Variants in CELF4 observed in about 807,000 individuals in gnomAD.
CELF4 encodes CUGBP Elav-like family member 4.
A neutral mutation model predicts 59.9 loss-of-function variants in CELF4; 18 were observed. The ratio of observed to expected loss-of-function variants is 0.30; its 90% CI spans 0.21 to 0.45. The LOEUF (loss-of-function observed/expected upper bound fraction) is 0.45. CELF4 is among the 20% of genes least tolerant of loss of function. The pLI, the probability that CELF4 is intolerant of heterozygous loss-of-function variation, is 1.00. For missense variants in CELF4, 456 were observed against 689.0 expected, an observed-to-expected ratio of 0.66 and a Z score of 3.79; for synonymous variants, 261 against 267.1, an observed-to-expected ratio of 0.98 and a Z score of 0.22.
chr18:37,306,888 G>A lies in CELF4; in HGVS notation c.448+14915C>T, dbSNP rs1453521810. The stretch of plus-strand genomic sequence containing the variant: ...CGCTACAGTGATACTCCGTCAGGGC[G>A]AGATTGCCGAAGCAAATTCTGCACT... On this transcript the variant is annotated intron_variant, in intron 3 of 12. Coordinates refer to ENST00000420428, the MANE Select transcript of CELF4 (RefSeq NM_020180.4). Among the ~76,000 whole-genome samples the A allele has an allele frequency of 2.0e-5, 3 of 152,204 alleles. No individual in the cohort carries two copies. The East Asian group carries it at 5.8e-4, about 29-fold the overall frequency.
At chr18:37,525,995 T>A (rs891563744) in intron 1 of CELF4, among the ~76,000 whole-genome samples, 2 of 152,172 alleles carry the variant, frequency 1.3e-5, no homozygotes, top group Non-Finnish European at 2.9e-5. Flanking sequence ...TTCAGCCAAC[T>A]GTGTTTAACG....
intron 1 of CELF4, among the ~76,000 whole-genome samples, chr18:37,530,866 G>A (rs1237587603): frequency 2.0e-5 from 3 of 151,268 alleles, no homozygotes; most frequent in Non-Finnish European, 2.9e-5. Flanking sequence ...AGAGAAAGAC[G>A]GAGAGAGAAA....
intron 2 of CELF4, among the ~76,000 whole-genome samples, chr18:37,373,139 C>T (rs1046529379): frequency 8.5e-5 from 13 of 152,216 alleles, no homozygotes; most frequent in African/African-American, 3.1e-4. Flanking sequence ...GGACGCCGCC[C>T]TGGTGAGTGG....
intron 2 of CELF4, among the ~76,000 whole-genome samples, chr18:37,475,348 T>C (rs55698302): frequency 0.29 from 43,583 of 152,162 alleles, 6,320 homozygotes; most frequent in Middle Eastern, 0.36. Context: ...TGGCTGCTGT[T>C]TGAGTGACAT....
intron 2 of CELF4, among the ~76,000 whole-genome samples, chr18:37,431,967 G>A (rs1000111171): frequency 4.6e-5 from 7 of 152,156 alleles, no homozygotes; most frequent in African/African-American, 1.7e-4. Flanking sequence ...CGTGAAATAG[G>A]TCCCCCCACC....
chr18:37,422,015 G>T (rs1262192117), intron 2 of CELF4, among the ~76,000 whole-genome samples: 1 of 152,210 alleles, frequency 6.6e-6, no homozygotes, highest in African/African-American at 2.4e-5. Context: ...TCAAAAGCTG[G>T]TCCTTCCTGT....
rs1161104197 is a variant in CELF4 at position 37,285,694 on chromosome 18, G to A, written c.449-10451C>T. Among the ~76,000 whole-genome samples, 5 of 152,308 alleles carry A rather than the reference G, an allele frequency of 3.3e-5. No homozygotes were observed. In the East Asian group the frequency reaches 9.7e-4, roughly 29 times the overall value. The stretch of plus-strand genomic sequence containing the variant: ...CTGCCCCCTTGCTGCCTCCCTCTCT[G>A]GCCTTCGGACCCTTGCCCTGTGAGT... On this transcript the variant is annotated intron_variant, in intron 3 of 12. Coordinates refer to ENST00000420428, the MANE Select transcript of CELF4 (RefSeq NM_020180.4).
intron 2 of CELF4, among the ~76,000 whole-genome samples, chr18:37,435,938 C>T (rs1401712315): frequency 6.6e-6 from 1 of 152,114 alleles, no homozygotes; most frequent in Non-Finnish European, 1.5e-5. Flanking sequence ...GTGGTGTCTC[C>T]CTAGGGTTAC....
intron 2 of CELF4, among the ~76,000 whole-genome samples, chr18:37,360,677 G>T (rs2098690018): frequency 6.6e-6 from 1 of 152,206 alleles, no homozygotes. Context: ...ATGCCTGCAG[G>T]CTTCTTCTGG....
At chr18:37,555,761 G>A (rs781601151) in intron 1 of CELF4, among the ~76,000 whole-genome samples, 1 of 152,170 alleles carries the variant, frequency 6.6e-6, no homozygotes, top group Non-Finnish European at 1.5e-5. Flanking sequence ...TACTGGAAGG[G>A]CACATACAAT....
chr18:37,336,415 C>A (rs1222723314), intron 2 of CELF4, among the ~76,000 whole-genome samples: 1 of 152,166 alleles, frequency 6.6e-6, no homozygotes, highest in South Asian at 2.1e-4. Flanking sequence ...AACTCCTGGG[C>A]TCAAGCAATC....
chr18:37,542,940 C>A (rs2099978844), intron 1 of CELF4, among the ~76,000 whole-genome samples: 1 of 152,122 alleles, frequency 6.6e-6, no homozygotes, highest in Non-Finnish European at 1.5e-5. Context: ...CTTTCTACGA[C>A]ATCACTCCTG....
chr18:37,483,575 T>A (rs1458604955), intron 2 of CELF4, among the ~76,000 whole-genome samples: 9 of 152,184 alleles, frequency 5.9e-5, no homozygotes, highest in African/African-American at 1.7e-4. Context: ...ACTCAACTTG[T>A]CTTTGTGATT....
intron 1 of CELF4, among the ~76,000 whole-genome samples, chr18:37,558,465 G>A (rs1002705437): frequency 1.4e-5 from 2 of 144,552 alleles, no homozygotes; most frequent in African/African-American, 5.2e-5. Flanking sequence ...CCTTCTTCAG[G>A]CCCCACTTTG....
rs72885316 is a variant in CELF4, at chr18:37,335,404, G to A, written c.370-13523C>T. Reference sequence around the variant, plus strand: ...GTGGGCCATGTAAATGGGTGACTAGGAGTGTGGGAGGTGTGTGTTGCATGT... The same window carrying A: ...GTGGGCCATGTAAATGGGTGACTAGAAGTGTGGGAGGTGTGTGTTGCATGT... On this transcript the variant is annotated intron_variant, in intron 2 of 12. Coordinates refer to ENST00000420428, the MANE Select transcript of CELF4 (RefSeq NM_020180.4). 5.0e-3 allele frequency among the ~76,000 whole-genome samples: 759 copies of A among 152,198 alleles called. 2 individuals carry two copies. Among genetic ancestry groups the A allele is most frequent in the Middle Eastern group, 0.024 (7 of 294 alleles).
intron 3 of CELF4, among the ~76,000 whole-genome samples, chr18:37,311,347 A>T (rs2096639382): frequency 6.6e-6 from 1 of 152,206 alleles, no homozygotes; most frequent in African/African-American, 2.4e-5. Flanking sequence ...CTTCCCCACC[A>T]GCCACTTCCT....
intron 5 of CELF4, 96 bp from the exon 6 acceptor site, chr18:37,274,550 GGGCGCTTTGGAGGAGGCGGCATC>G (rs2092645240): frequency 4.4e-6 from 7 of 1,594,938 alleles, no homozygotes; most frequent in African/African-American, 2.7e-5. Context: ...CCGCTCCTCG[GGGCGCTTTGGAGGAGGCGGCATC>G]GGCGCTCGCC....
At chr18:37,514,469 A>G (rs2099948314) in intron 1 of CELF4, among the ~76,000 whole-genome samples, 1 of 152,142 alleles carries the variant, frequency 6.6e-6, no homozygotes, top group Admixed American at 6.5e-5. Flanking sequence ...GATGAGAAGG[A>G]AAAGAGTTTC....
chr18:37,307,303 A>T (rs565861009), intron 3 of CELF4, among the ~76,000 whole-genome samples: 1 of 152,106 alleles, frequency 6.6e-6, no homozygotes, highest in African/African-American at 2.4e-5. Context: ...GGCAATCAGC[A>T]CGCTCTGTGA....
Sources: allele counts gnomAD v4.1 joint callset (sites outside exome capture counted in the v4.1 genomes callset), GRCh38; gene constraint gnomAD v4.1.1; transcripts MANE v1.5; gene names NCBI Gene and HGNC (gene_info 2026-07-23, HGNC 2026-07-21).